The following LOC400499 variants were observed in gnomAD, a reference collection of about 807,000 sequenced individuals.
the LOC400499 span, among the ~76,000 whole-genome samples, chr16:11,391,002 G>A: frequency 6.6e-6 from 1 of 152,232 alleles, no homozygotes; most frequent in Non-Finnish European, 1.5e-5. Flanking sequence ...TCCCTGTGCT[G>A]ACACTCCTGC....
the LOC400499 span, among the ~76,000 whole-genome samples, chr16:11,416,829 C>A: frequency 2.6e-5 from 4 of 151,826 alleles, no homozygotes; most frequent in African/African-American, 2.4e-5. Context: ...GCAAGCCTGG[C>A]GTGTTGAAGA....
the LOC400499 span, among the ~76,000 whole-genome samples, chr16:11,410,686 T>C: frequency 1.5e-5 from 2 of 137,514 alleles, no homozygotes; most frequent in South Asian, 2.5e-4. Flanking sequence ...CATTCATGCA[T>C]GCACTCACCT....
chr16:11,496,564 C>T, the LOC400499 span, among the ~76,000 whole-genome samples: 4 of 152,092 alleles, frequency 2.6e-5, no homozygotes, highest in South Asian at 8.3e-4. Context: ...CACTCGAGTA[C>T]CCTAGTATGC....
At chr16:11,517,952 G>A in the LOC400499 span, among the ~76,000 whole-genome samples, 3 of 152,212 alleles carry the variant, frequency 2.0e-5, no homozygotes, top group African/African-American at 7.2e-5. Context: ...CCTTCCAGGG[G>A]GGCAGCGGTC....
the LOC400499 span, among the ~76,000 whole-genome samples, chr16:11,524,280 T>C: frequency 2.2e-5 from 3 of 134,652 alleles, no homozygotes; most frequent in African/African-American, 8.4e-5. Flanking sequence ...CTCCTATCCA[T>C]CCATCCACCC....
chr16:11,525,730 A>G, the LOC400499 span, among the ~76,000 whole-genome samples: 1 of 152,220 alleles, frequency 6.6e-6, no homozygotes, highest in African/African-American at 2.4e-5. Flanking sequence ...CATGACCTGC[A>G]GAAGTGAGCT....
At chr16:11,438,953 T>G in the LOC400499 span, among the ~76,000 whole-genome samples, 1 of 152,082 alleles carries the variant, frequency 6.6e-6, no homozygotes, top group African/African-American at 2.4e-5. Context: ...GCTGTCAAAT[T>G]AATGGTGTGC....
At chr16:11,489,313 C>A in the LOC400499 span, among the ~76,000 whole-genome samples, 2 of 152,192 alleles carry the variant, frequency 1.3e-5, no homozygotes, top group Non-Finnish European at 2.9e-5. Context: ...GCTCTTGGAA[C>A]CTTAGTTTTC....
At chr16:11,391,448 T>C in the LOC400499 span, among the ~76,000 whole-genome samples, 1 of 152,196 alleles carries the variant, frequency 6.6e-6, no homozygotes, top group Non-Finnish European at 1.5e-5. Context: ...TTGGAGACTC[T>C]GTAAAAATGA....
the LOC400499 span, chr16:11,387,015 G>A: frequency 7.6e-4 from 735 of 971,766 alleles, 4 homozygotes; most frequent in African/African-American, 0.011. Flanking sequence ...CTCTGGGCCT[G>A]GCACTGTGAT....
the LOC400499 span, among the ~76,000 whole-genome samples, chr16:11,379,214 C>T: frequency 1.3e-5 from 2 of 152,186 alleles, no homozygotes; most frequent in African/African-American, 4.8e-5. Context: ...TGCCACTGCA[C>T]TCCAGCCTGG....
At chr16:11,451,272 A>T in the LOC400499 span, among the ~76,000 whole-genome samples, 2 of 152,214 alleles carry the variant, frequency 1.3e-5, no homozygotes, top group Non-Finnish European at 2.9e-5. Context: ...TTCTGAATGC[A>T]ATTTTTTCAT....
chr16:11,449,512 G>C, the LOC400499 span, among the ~76,000 whole-genome samples: 4 of 152,170 alleles, frequency 2.6e-5, no homozygotes, highest in Non-Finnish European at 5.9e-5. Context: ...CATCTGGCTC[G>C]TTTCAGAGCT....
At chr16:11,439,965 C>G in the LOC400499 span, among the ~76,000 whole-genome samples, 2 of 152,118 alleles carry the variant, frequency 1.3e-5, no homozygotes, top group Non-Finnish European at 2.9e-5. Flanking sequence ...CTGTTACCAT[C>G]CCATTTCCCA....
chr16:11,422,122 C>T, the LOC400499 span, among the ~76,000 whole-genome samples: 94 of 152,326 alleles, frequency 6.2e-4, 1 homozygote, highest in African/African-American at 2.2e-3. Flanking sequence ...CGGGAGCAGG[C>T]TGGGTACATG....
chr16:11,482,694 C>A, the LOC400499 span, among the ~76,000 whole-genome samples: 1 of 151,986 alleles, frequency 6.6e-6, no homozygotes, highest in Non-Finnish European at 1.5e-5. Context: ...ACTTCAAGAT[C>A]AGCCTGGGCA....
the LOC400499 span, chr16:11,424,317 A>T: frequency 2.5e-6 from 1 of 399,544 alleles, no homozygotes; most frequent in Non-Finnish European, 4.4e-6. Context: ...GGTGAGAGAC[A>T]GGAGCATCCC....
the LOC400499 span, among the ~76,000 whole-genome samples, chr16:11,408,451 A>AT: frequency 0.24 from 31,540 of 130,934 alleles, 4,493 homozygotes; most frequent in Non-Finnish European, 0.31. Context: ...TCAGTGCAGG[A>AT]TTTTTTTTTT....
At chr16:11,419,003 T>C in the LOC400499 span, among the ~76,000 whole-genome samples, 1 of 152,046 alleles carries the variant, frequency 6.6e-6, no homozygotes, top group African/African-American at 2.4e-5. Context: ...CCGTCTCTAC[T>C]AAAAATACAA....
Sources: allele counts gnomAD v4.1 joint callset (sites outside exome capture counted in the v4.1 genomes callset), GRCh38; gene constraint gnomAD v4.1.1; transcripts MANE v1.5.